CREB3L2: variants seen among roughly 807,000 people sequenced by gnomAD.
CREB3L2 encodes cyclic AMP-responsive element-binding protein 3-like protein 2.
A neutral mutation model predicts 57.2 loss-of-function variants in CREB3L2; 23 were observed. The observed-to-expected ratio is 0.40, with a 90% CI of 0.29 to 0.57. The LOEUF is 0.57. Ranked by LOEUF, CREB3L2 falls within the 20% of genes least tolerant of loss-of-function variation. The pLI, the probability that CREB3L2 is intolerant of heterozygous loss-of-function variation, is 0.42. For synonymous variants in CREB3L2, 268 were observed against 265.1 expected (o/e 1.01, Z -0.11); for missense variants, 628 against 634.7 (o/e 0.99, Z 0.11).
chr7:137,886,957 T>G (rs903969979), intron 8 of CREB3L2, among the ~76,000 whole-genome samples: 2 of 152,122 alleles, frequency 1.3e-5, no homozygotes, highest in African/African-American at 4.8e-5. Context: ...GTGAGTGGTG[T>G]AAAGAGTTGA....
intron 1 of CREB3L2, among the ~76,000 whole-genome samples, chr7:137,971,815 G>A (rs1801511817): frequency 6.6e-6 from 1 of 151,826 alleles, no homozygotes; most frequent in Admixed American, 6.6e-5. Flanking sequence ...CCTAATAATT[G>A]GATGTCACTT....
intron 1 of CREB3L2, chr7:137,933,956 A>T (rs989039135): frequency 3.9e-5 from 6 of 152,246 alleles, no homozygotes; most frequent in Non-Finnish European, 7.3e-5. Context: ...GAAAGGAGCA[A>T]AGTGAGCCTC....
At chr7:137,915,766 CT>C in intron 3 of CREB3L2, 70 bp downstream of exon 3, 1 of 1,397,634 alleles carries the variant, frequency 7.2e-7, no homozygotes, top group Non-Finnish European at 9.9e-7. Flanking sequence ...GATTAAACAC[CT>C]TATTGGAGAA....
intron 1 of CREB3L2, among the ~76,000 whole-genome samples, chr7:137,934,207 C>T (rs759208303): frequency 3.9e-5 from 6 of 152,198 alleles, no homozygotes; most frequent in Admixed American, 1.3e-4. Flanking sequence ...TCTCTGTCCC[C>T]TACTGAGAGA....
intron 1 of CREB3L2, among the ~76,000 whole-genome samples, chr7:137,993,411 T>G (rs187958680): frequency 6.6e-6 from 1 of 152,300 alleles, no homozygotes; most frequent in East Asian, 1.9e-4. Context: ...TGTTCTCTAA[T>G]CAAAACAAGA....
chr7:137,889,200 C>G (rs569537539), intron 8 of CREB3L2, among the ~76,000 whole-genome samples: 2 of 152,250 alleles, frequency 1.3e-5, no homozygotes, highest in East Asian at 3.9e-4. Flanking sequence ...AGGAGGCTCC[C>G]CAGTGCCTCC....
At chr7:137,982,455 C>T (rs575557600) in intron 1 of CREB3L2, among the ~76,000 whole-genome samples, 4 of 152,208 alleles carry the variant, frequency 2.6e-5, no homozygotes, top group Non-Finnish European at 4.4e-5. Context: ...ATTTAGCTCC[C>T]GCAGTTCCCA....
At chr7:137,959,178 G>A (rs1801273893) in intron 1 of CREB3L2, among the ~76,000 whole-genome samples, 1 of 152,204 alleles carries the variant, frequency 6.6e-6, no homozygotes, top group African/African-American at 2.4e-5. Context: ...CTATTTCTCT[G>A]CTCTTTGATT....
chr7:137,973,544 T>A (rs1408764612), intron 1 of CREB3L2, among the ~76,000 whole-genome samples: 1 of 152,096 alleles, frequency 6.6e-6, no homozygotes, highest in Non-Finnish European at 1.5e-5. Context: ...TAACAAGAGA[T>A]ATCCTAAAGT....
chr7:137,887,419 C>A (rs1799443035), intron 8 of CREB3L2, among the ~76,000 whole-genome samples: 1 of 152,174 alleles, frequency 6.6e-6, no homozygotes, highest in Non-Finnish European at 1.5e-5. Flanking sequence ...ACTCAAAACT[C>A]CTTTCTGGGC....
In CREB3L2 at chr7:137,962,085, C is replaced by A. The variant is rs560103632; in HGVS notation, c.103-33719G>T. On this transcript the variant is annotated intron_variant, in intron 1 of 11. Transcript: ENST00000330387. ...CGAAGTCAGGACCAATGTCAGGAAA[C>A]ACTTGTAGAACAAGGGGGAAGACTC... Among the ~76,000 whole-genome samples the A allele has an allele frequency of 1.5e-4, 23 of 152,308 alleles. No individual in the cohort carries two copies. In the Middle Eastern group the frequency reaches 0.01, roughly 68 times the overall value.
At chr7:137,901,736 G>A (rs996825810) in intron 7 of CREB3L2, among the ~76,000 whole-genome samples, 2 of 151,560 alleles carry the variant, frequency 1.3e-5, no homozygotes, top group African/African-American at 4.8e-5. Context: ...AAAATTAGCT[G>A]GGCGTGGTGG....
chr7:137,940,216 T>C (rs1800858522), intron 1 of CREB3L2, among the ~76,000 whole-genome samples: 1 of 152,116 alleles, frequency 6.6e-6, no homozygotes, highest in East Asian at 1.9e-4. Flanking sequence ...GGCATCCCCA[T>C]TCCCTCTCCC....
Position 137,877,758 on chromosome 7 carries a change from T to C in CREB3L2, c.*2718A>G, listed in dbSNP as rs6959012. On this transcript the variant is annotated 3_prime_UTR_variant, in exon 12 of 12. Transcript: ENST00000330387. ...CACTATTTGAAATCTTTAGAGCTAA[T>C]CATAAGTTAATGACTAGTCTAAGAG... is the stretch of plus-strand genomic sequence containing the variant. 20,824 of 228,350 alleles carry C rather than the reference T, an allele frequency of 0.091. 2,920 individuals are homozygous for C. Among genetic ancestry groups the C allele is most frequent in the African/African-American group, 0.34 (15,184 of 45,084 alleles). The allele number at this position is 228,350 out of a possible 1,614,324, so 14.1% of individuals were successfully genotyped here.
chr7:137,882,106 G>C (rs1376104927), intron 11 of CREB3L2, among the ~76,000 whole-genome samples: 5 of 152,200 alleles, frequency 3.3e-5, no homozygotes, highest in Non-Finnish European at 7.3e-5. Flanking sequence ...TCACTCGTGT[G>C]GCTTGGAAGG....
intron 1 of CREB3L2, among the ~76,000 whole-genome samples, chr7:137,966,336 A>C (rs1244991847): frequency 1.3e-5 from 2 of 152,224 alleles, no homozygotes; most frequent in African/African-American, 4.8e-5. Flanking sequence ...TTGGATGGTA[A>C]TGTGATGCAC....
At chr7:137,949,963 T>G (rs1183697058) in intron 1 of CREB3L2, among the ~76,000 whole-genome samples, 1 of 152,196 alleles carries the variant, frequency 6.6e-6, no homozygotes, top group Non-Finnish European at 1.5e-5. Context: ...AGAAGTATAA[T>G]AAGGGAAGTG....
At chr7:137,977,907 T>C (rs1469839894) in intron 1 of CREB3L2, among the ~76,000 whole-genome samples, 1 of 127,626 alleles carries the variant, frequency 7.8e-6, no homozygotes, top group African/African-American at 3.1e-5. Context: ...GGCAAGAAAG[T>C]GAGACTAAGA....
At chr7:137,885,283 G>A (rs1259407212) in intron 9 of CREB3L2, 120 bp downstream of exon 9, 5 of 1,167,930 alleles carry the variant, frequency 4.3e-6, no homozygotes, top group Non-Finnish European at 6.2e-6. Flanking sequence ...CAGCCTCAGA[G>A]TGGAGTTCCT....
Sources: gnomAD v4.1 joint callset for allele counts (sites outside exome capture counted in the v4.1 genomes callset) on GRCh38, gnomAD v4.1.1 for gene constraint, MANE v1.5 for transcripts, NCBI Gene and HGNC (gene_info 2026-07-23, HGNC 2026-07-21) for gene names.